The following KCNIP4 variants were observed in gnomAD, a reference collection of about 807,000 sequenced individuals.
KCNIP4 encodes potassium voltage-gated channel interacting protein 4, also known as Kv channel-interacting protein 4.
A neutral mutation model predicts 34.0 loss-of-function variants in KCNIP4; 12 were observed. That is an observed-to-expected ratio of 0.35 (90% CI 0.23 to 0.57). KCNIP4 has a LOEUF of 0.57. KCNIP4 is among the 20% of genes least tolerant of loss of function. The pLI, the probability that KCNIP4 is intolerant of heterozygous loss-of-function variation, is 0.83. For missense variants in KCNIP4, 238 were observed against 311.7 expected (o/e 0.76, Z 1.78); for synonymous variants, 124 against 102.2 (o/e 1.21, Z -1.29).
intron 1 of KCNIP4, among the ~76,000 whole-genome samples, chr4:21,481,689 G>A (rs541930648): frequency 2.0e-5 from 3 of 152,226 alleles, no homozygotes; most frequent in Admixed American, 6.5e-5. Flanking sequence ...AGCCTACTGC[G>A]AAGAAGGGAA....
intron 1 of KCNIP4, among the ~76,000 whole-genome samples, chr4:20,975,896 G>A (rs1477179619): frequency 6.6e-6 from 1 of 152,154 alleles, no homozygotes; most frequent in African/African-American, 2.4e-5. Context: ...AAATTGTATG[G>A]GATTCAAAGA....
chr4:20,728,983 A>G lies in KCNIP4; in HGVS notation c.*1099T>C, dbSNP rs1746934922. 6.6e-6 allele frequency: 1 copy of G among 152,126 alleles called. No individual in the cohort carries two copies. The highest frequency in any genetic ancestry group is 1.5e-5 in the Non-Finnish European group (1 of 67,944). 9.4% of individuals were successfully genotyped at this position (152,126 alleles called of 1,614,324 possible). ...CTGTAATCTGGATTAGTTGTTGAGCACTTATTTTCTACTAAATCTTGGTAG... is the reference window on the plus strand; with the variant it reads ...CTGTAATCTGGATTAGTTGTTGAGCGCTTATTTTCTACTAAATCTTGGTAG... On this transcript the variant is annotated 3_prime_UTR_variant, in exon 9 of 9. Transcript: ENST00000382152.
At chr4:21,207,043 A>G (rs1756901817) in intron 1 of KCNIP4, among the ~76,000 whole-genome samples, 1 of 152,214 alleles carries the variant, frequency 6.6e-6, no homozygotes, top group Non-Finnish European at 1.5e-5. Flanking sequence ...CATCTCTAAT[A>G]GCATTTACTT....
chr4:20,905,509 C>CTTTTTTTTTTTTTTTTTTTTTTTTTTTT lies in KCNIP4; in HGVS notation c.62-22801_62-22800insAAAAAAAAAAAAAAAAAAAAAAAAAAAA, dbSNP rs10686415. ...ACACAGGTAGTTGAACGTTTTCTTTCTTTTTTTTTTTTTTTTGTTTGAGAT... is the reference window on the plus strand; with the variant it reads ...ACACAGGTAGTTGAACGTTTTCTTTCTTTTTTTTTTTTTTTTTTTTTTTTTTTTTTTTTTTTTTTTTTTTGTTTGAGAT... On this transcript the variant is annotated intron_variant, in intron 1 of 8. Coordinates refer to ENST00000382152, the MANE Select transcript of KCNIP4 (RefSeq NM_025221.6). Among the ~76,000 whole-genome samples the CTTTTTTTTTTTTTTTTTTTTTTTTTTTT allele has an allele frequency of 5.5e-5, 4 of 72,802 alleles. 1 individual carries two copies. Among genetic ancestry groups the CTTTTTTTTTTTTTTTTTTTTTTTTTTTT allele is most frequent in the Non-Finnish European group, 1.1e-4 (4 of 36,478 alleles). 47.8% of individuals were successfully genotyped at this position (72,802 alleles called of 152,430 possible).
chr4:20,779,261 T>G (rs749570223), intron 3 of KCNIP4, among the ~76,000 whole-genome samples: 2 of 152,140 alleles, frequency 1.3e-5, no homozygotes, highest in Non-Finnish European at 2.9e-5. Context: ...GTACATTTAC[T>G]GCTGGAATCA....
At chr4:21,382,255 A>T (rs28450262) in intron 1 of KCNIP4, among the ~76,000 whole-genome samples, 5,575 of 152,310 alleles carry the variant, frequency 0.037, 120 homozygotes, top group Non-Finnish European at 0.059. Flanking sequence ...AAACAGGAAC[A>T]TTCAGGACAT....
At chr4:21,530,643 G>A (rs1428420455) in intron 1 of KCNIP4, among the ~76,000 whole-genome samples, 1 of 152,098 alleles carries the variant, frequency 6.6e-6, no homozygotes, top group Non-Finnish European at 1.5e-5. Flanking sequence ...AGCTACATAG[G>A]ACTCATTGTT....
chr4:21,290,501 T>A (rs1395985729), intron 1 of KCNIP4, among the ~76,000 whole-genome samples: 2 of 152,338 alleles, frequency 1.3e-5, no homozygotes, highest in East Asian at 1.9e-4. Flanking sequence ...GTGTGTATAC[T>A]TTTTTAATGA....
At chr4:21,780,289 C>A (rs1036676994) in intron 1 of KCNIP4, among the ~76,000 whole-genome samples, 1 of 152,090 alleles carries the variant, frequency 6.6e-6, no homozygotes, top group South Asian at 2.1e-4. Context: ...TTGCCCAACT[C>A]CCAAAGGGTC....
At chr4:21,592,710 G>A (rs1742312179) in intron 1 of KCNIP4, among the ~76,000 whole-genome samples, 2 of 152,080 alleles carry the variant, frequency 1.3e-5, no homozygotes, top group Admixed American at 1.3e-4. Flanking sequence ...AGAGGTGAAA[G>A]TATAATTCTA....
intron 1 of KCNIP4, among the ~76,000 whole-genome samples, chr4:21,075,715 A>G (rs528080033): frequency 6.6e-6 from 1 of 152,200 alleles, no homozygotes; most frequent in South Asian, 2.1e-4. Flanking sequence ...TCATTAGTTG[A>G]TGCAGTTTCT....
chr4:21,850,035 AGT>A (rs1190024843), intron 1 of KCNIP4: 7 of 152,168 alleles, frequency 4.6e-5, no homozygotes, highest in African/African-American at 1.7e-4. Context: ...TGGTGAAAAT[AGT>A]AAGTCCAAGA....
At chr4:20,814,286 C>A (rs1228457230) in intron 3 of KCNIP4, among the ~76,000 whole-genome samples, 1 of 152,204 alleles carries the variant, frequency 6.6e-6, no homozygotes, top group Non-Finnish European at 1.5e-5. Context: ...AGCCACCTCA[C>A]AGGATAGGCA....
At chr4:21,803,788 G>T (rs1721139659) in intron 1 of KCNIP4, among the ~76,000 whole-genome samples, 1 of 152,050 alleles carries the variant, frequency 6.6e-6, no homozygotes, top group Non-Finnish European at 1.5e-5. Context: ...GATTTCATTG[G>T]CAATTTTCTA....
chr4:21,633,126 T>C (rs1190667293), intron 1 of KCNIP4, among the ~76,000 whole-genome samples: 3 of 152,160 alleles, frequency 2.0e-5, no homozygotes, highest in Non-Finnish European at 4.4e-5. Context: ...CACAAAAATC[T>C]TCTAAAGTTA....
chr4:21,594,959 CT>C (rs1367760186), intron 1 of KCNIP4, among the ~76,000 whole-genome samples: 2 of 151,934 alleles, frequency 1.3e-5, no homozygotes, highest in Admixed American at 1.3e-4. Flanking sequence ...ACCACAATTA[CT>C]TTTTTTAAAA....
intron 1 of KCNIP4, among the ~76,000 whole-genome samples, chr4:21,833,004 G>C (rs931747623): frequency 6.8e-6 from 1 of 146,566 alleles, no homozygotes; most frequent in Non-Finnish European, 1.5e-5. Flanking sequence ...TGGACATTTG[G>C]GTTGGTTCCA....
intron 1 of KCNIP4, among the ~76,000 whole-genome samples, chr4:21,746,904 A>G (rs1332545838): frequency 1.3e-5 from 2 of 152,180 alleles, no homozygotes; most frequent in Admixed American, 1.3e-4. Flanking sequence ...CATTTCTTTA[A>G]GATAACACAA....
At chr4:21,689,447 T>C (rs150645114) in intron 1 of KCNIP4, among the ~76,000 whole-genome samples, 139 of 152,132 alleles carry the variant, frequency 9.1e-4, no homozygotes, top group African/African-American at 3.3e-3. Flanking sequence ...GGTCATCTAA[T>C]TGGTCTTCCC....
Sources: gnomAD v4.1 joint callset for allele counts (sites outside exome capture counted in the v4.1 genomes callset) on GRCh38, gnomAD v4.1.1 for gene constraint, MANE v1.5 for transcripts, NCBI Gene and HGNC (gene_info 2026-07-23, HGNC 2026-07-21) for gene names.